ZNF304: variants seen among roughly 807,000 people sequenced by gnomAD.
ZNF304 encodes KRAB-containing zinc finger protein.
In ZNF304, 7 loss-of-function variants were observed where a neutral mutation model predicts 7.8. The observed-to-expected ratio is 0.90, with a 90% confidence interval of 0.51 to 1.69. The LOEUF (loss-of-function observed/expected upper bound fraction) is 1.69, where lower values mean the gene tolerates loss of function less well. Ranked by LOEUF, ZNF304 falls within the 40% of genes most tolerant of loss-of-function variation. ZNF304 has a pLI of 0.00. For missense variants in ZNF304, 669 were observed against 804.8 expected (o/e 0.83, Z 2.04); for synonymous variants, 280 against 272.4 (o/e 1.03, Z -0.27).
In ZNF304 at chr19:57,357,814, G is replaced by C. The variant is rs2088367987; in HGVS notation, c.1945G>C (p.Gly649Arg). ...AAGAGCTCACGAGTGCAACAGTTTT[G>C]GTGGCCCTTTAGCTGCATCTCTTAA... ...GERAHECNSF[G>R]GPLAASLKLV Residue 649 changes from glycine to arginine, a missense_variant, in exon 3 of 3, where the codon GGT becomes CGT. Transcript: ENST00000282286. 1.2e-6 allele frequency: 2 copies of C among 1,609,626 alleles called. No homozygotes were observed. The highest frequency in any genetic ancestry group is 1.3e-5 in the African/African-American group (1 of 74,614).
chr19:57,357,370 A>G lies in ZNF304; in HGVS notation c.1501A>G (p.Arg501Gly). 6.2e-7 allele frequency: 1 copy of G among 1,614,134 alleles called. No individual in the cohort carries two copies. Residue 501 changes from arginine (R) to glycine (G), a missense_variant, in exon 3 of 3, where the codon AGG becomes GGG. Coordinates refer to ENST00000282286, the MANE Select transcript of ZNF304 (RefSeq NM_020657.4). Reference sequence around the variant, plus strand: ...ACACCAAAAAATCCACACTGGAGAAAGGCCTTATGAGTGTGGTGAATGTGG... The same window carrying G: ...ACACCAAAAAATCCACACTGGAGAAGGGCCTTATGAGTGTGGTGAATGTGG... ...VQHQKIHTGE[R>G]PYECGECGKF...
chr19:57,353,716 T>C lies in ZNF304; in HGVS notation c.34-9T>C, dbSNP rs1343015985. The C allele has an allele frequency of 3.1e-6, 5 of 1,606,106 alleles. No homozygotes were observed. In the Admixed American group the frequency reaches 6.8e-5, roughly 22 times the overall value. ...CTGACTGTGGACTCAGCTGTACTTATCATGGCAGAGTTGTGTGACCTTCGA... is the reference window on the plus strand; with the variant it reads ...CTGACTGTGGACTCAGCTGTACTTACCATGGCAGAGTTGTGTGACCTTCGA... On this transcript the variant is annotated splice_polypyrimidine_tract_variant and intron_variant, in intron 1 of 2. Transcript: ENST00000282286.
Position 57,351,923 on chromosome 19 carries a change from G to C in ZNF304, c.33+226G>C, listed in dbSNP as rs2088280159. 1.9e-6 allele frequency: 1 copy of C among 525,386 alleles called. No individual in the cohort carries two copies. The highest frequency in any genetic ancestry group is 3.3e-6 in the Non-Finnish European group (1 of 300,306). The allele number at this position is 525,386 out of a possible 1,614,324, so 32.5% of individuals were successfully genotyped here. ...GTTTGGGGAGTTCCGGGAACTCTCT[G>C]TGCCTGGTGAGAACAGGGACTAGGG... On this transcript the variant is annotated intron_variant, in intron 1 of 2. Coordinates refer to ENST00000282286, the MANE Select transcript of ZNF304 (RefSeq NM_020657.4). The surrounding 1 kb of genome is among the most constrained non-coding windows in gnomAD (Gnocchi z 4.1).
Position 57,357,852 on chromosome 19 carries a change from C to T in ZNF304, c.*3C>T. The T allele has an allele frequency of 1.3e-6, 2 of 1,579,570 alleles. No homozygotes were observed. Among genetic ancestry groups the T allele is most frequent in the Non-Finnish European group, 1.7e-6 (2 of 1,167,008 alleles). On this transcript the variant is annotated 3_prime_UTR_variant, in exon 3 of 3. Transcript: ENST00000282286. The stretch of plus-strand genomic sequence containing the variant: ...CTGCATCTCTTAAACTTGTTTAACA[C>T]CAGAAAATTCACACAAGAGAAAGGC...
Position 57,351,603 on chromosome 19 carries a change from G to A in ZNF304, c.-62G>A. 6.2e-7 allele frequency: 1 copy of A among 1,605,296 alleles called. No homozygotes were observed. Among genetic ancestry groups the A allele is most frequent in the Non-Finnish European group, 8.5e-7 (1 of 1,174,532 alleles). On this transcript the variant is annotated 5_prime_UTR_variant, in exon 1 of 3. Coordinates refer to ENST00000282286, the MANE Select transcript of ZNF304 (RefSeq NM_020657.4). This position sits in a 1 kb window ranked among gnomAD's most constrained non-coding sequence, Gnocchi z 4.1. ...GCTACACTCAGCCCGAGGGCGTCCA[G>A]CGCGGTGGAGGCGTGGGGTTTCGGC... is the stretch of plus-strand genomic sequence containing the variant.
chr19:57,356,745 C>G lies in ZNF304; in HGVS notation c.876C>G (p.His292Gln). Residue 292 changes from histidine to glutamine, a missense_variant, in exon 3 of 3, where the codon CAC (histidine) becomes CAG (glutamine). Coordinates refer to ENST00000282286, the MANE Select transcript of ZNF304 (RefSeq NM_020657.4). ...GTGGAAAAGCCTTCATTCACTTGCA[C>G]CACCTAAAAATGCACCAGAAATTTC... ...KECGKAFIHL[H>Q]HLKMHQKFHT... The G allele has an allele frequency of 6.2e-7, 1 of 1,614,224 alleles. No homozygotes were observed. The highest frequency in any genetic ancestry group is 8.5e-7 in the Non-Finnish European group (1 of 1,180,038).
chr19:57,358,071 T>C lies in ZNF304; in HGVS notation c.*222T>C. ...CATGAGGTGTGTTGCACTTTGTAAC[T>C]GTCTAGAGCTCTTGATGGAATTATA... On this transcript the variant is annotated 3_prime_UTR_variant, in exon 3 of 3. Coordinates refer to ENST00000282286, the MANE Select transcript of ZNF304 (RefSeq NM_020657.4). 1 of 532,196 alleles carries C rather than the reference T, an allele frequency of 1.9e-6. No homozygotes were observed. Among genetic ancestry groups the C allele is most frequent in the Admixed American group, 3.6e-5 (1 of 28,072 alleles). The allele number at this position is 532,196 out of a possible 1,614,324, so 33.0% of individuals were successfully genotyped here.
At position 57,358,061 on chromosome 19, in the gene ZNF304, A is replaced by C. The variant is rs944268793; in HGVS notation, c.*212A>C. 1.5e-5 allele frequency: 9 copies of C among 587,808 alleles called. No homozygotes were observed. In the South Asian group the frequency reaches 1.7e-4, roughly 11 times the overall value. 36.4% of individuals were successfully genotyped at this position (587,808 alleles called of 1,614,324 possible). A position where few individuals can be genotyped will look rare whatever the true frequency, so the allele number is the denominator to read the frequency against. On this transcript the variant is annotated 3_prime_UTR_variant, in exon 3 of 3. Transcript: ENST00000282286. Reference sequence around the variant, plus strand: ...GGGAGGCTTTCATGAGGTGTGTTGCACTTTGTAACTGTCTAGAGCTCTTGA... The same window carrying C: ...GGGAGGCTTTCATGAGGTGTGTTGCCCTTTGTAACTGTCTAGAGCTCTTGA...
rs2088383397 is a variant in ZNF304, at chr19:57,358,698, CTGAAAA to C, written c.*850_*855del. On this transcript the variant is annotated 3_prime_UTR_variant, in exon 3 of 3. Coordinates refer to ENST00000282286, the MANE Select transcript of ZNF304 (RefSeq NM_020657.4). ...ATTGCCCTAGGCTTGCTAGGAAAGACTGAAAAAATTTTTGTGCCTAACTTTGTGGCC... is the reference window on the plus strand; with the variant it reads ...ATTGCCCTAGGCTTGCTAGGAAAGACAATTTTTGTGCCTAACTTTGTGGCC... 6.6e-6 allele frequency: 1 copy of C among 152,196 alleles called. No individual in the cohort carries two copies. The highest frequency in any genetic ancestry group is 6.5e-5 in the Admixed American group (1 of 15,276). The allele number at this position is 152,196 out of a possible 1,614,324, so 9.4% of individuals were successfully genotyped here. A position where few individuals can be genotyped will look rare whatever the true frequency, so the allele number is the denominator to read the frequency against.
chr19:57,353,648 G>GT, intron 1 of ZNF304, 77 bp from the exon 2 acceptor site: 1 of 1,524,504 alleles, frequency 6.6e-7, no homozygotes, highest in Non-Finnish European at 8.8e-7. Flanking sequence ...GAGTGGGTGT[G>GT]TGAGTGTGTA....
Position 57,356,518 on chromosome 19 carries a change from T to G in ZNF304, c.649T>G (p.Tyr217Asp), listed in dbSNP as rs1408277333. The G allele has an allele frequency of 6.2e-7, 1 of 1,614,182 alleles. No homozygotes were observed. Among genetic ancestry groups the G allele is most frequent in the Admixed American group, 1.7e-5 (1 of 60,026 alleles). The change falls in exon 3 of 3, where the codon TAT becomes GAT. Residue 217 changes from tyrosine (Y) to aspartate (D), a missense_variant. Tyr to Asp is a radical substitution (Grantham distance 160, BLOSUM62 -3). Transcript: ENST00000282286. ...SSSLRQHQGD[Y>D]DGQMLFSCGD... ...CAGTCTCAGGCAACACCAAGGAGAC[T>G]ATGATGGACAGATGCTTTTCAGTTG...
Position 57,351,758 on chromosome 19 carries a change from T to C in ZNF304, c.33+61T>C. 1 of 1,542,972 alleles carries C rather than the reference T, an allele frequency of 6.5e-7. No individual in the cohort carries two copies. Among genetic ancestry groups the C allele is most frequent in the African/African-American group, 1.4e-5 (1 of 72,898 alleles). On this transcript the variant is annotated intron_variant, in intron 1 of 2. Coordinates refer to ENST00000282286, the MANE Select transcript of ZNF304 (RefSeq NM_020657.4). This position sits in a 1 kb window ranked among gnomAD's most constrained non-coding sequence, Gnocchi z 4.1. ...GGTTGGTGTGTCCTGGGATGTTCGCTCTCATCGCGCACTTCAGGGTGCTCA... is the reference window on the plus strand; with the variant it reads ...GGTTGGTGTGTCCTGGGATGTTCGCCCTCATCGCGCACTTCAGGGTGCTCA...
rs368588640 is a variant in ZNF304, at chr19:57,356,649, C to A, written c.780C>A (p.Phe260Leu). 4.3e-6 allele frequency: 7 copies of A among 1,614,150 alleles called. No individual in the cohort carries two copies. In the African/African-American group the frequency reaches 9.3e-5, roughly 22 times the overall value. The change falls in exon 3 of 3, where the codon TTC (phenylalanine) becomes TTA (leucine). Residue 260 changes from phenylalanine to leucine, a missense_variant. Physicochemically the swap from Phe to Leu is conservative, Grantham distance 22. Coordinates refer to ENST00000282286, the MANE Select transcript of ZNF304 (RefSeq NM_020657.4). ...GATGCCTACCATGTGGAAATGTGTT[C>A]AAGGAGAAATCAGCTCTTATTAATC... Reference protein sequence around the residue: ...PFRCLPCGNVFKEKSALINHR... With the variant: ...PFRCLPCGNVLKEKSALINHR...
rs2088294629 is a variant in ZNF304 at position 57,353,077 on chromosome 19, G to C, written c.34-648G>C. ...GTGGCCAGTGTGTGGAGTGGGATGG[G>C]GTATCTTCAAATCATGGTGGTAATG... On this transcript the variant is annotated intron_variant, in intron 1 of 2. Coordinates refer to ENST00000282286, the MANE Select transcript of ZNF304 (RefSeq NM_020657.4). Among the ~76,000 whole-genome samples, 8 of 152,224 alleles carry C rather than the reference G, an allele frequency of 5.3e-5. No homozygotes were observed. The South Asian group carries it at 1.7e-3, about 32-fold the overall frequency.
Position 57,357,928 on chromosome 19 carries a change from C to T in ZNF304, c.*79C>T. On this transcript the variant is annotated 3_prime_UTR_variant, in exon 3 of 3. Coordinates refer to ENST00000282286, the MANE Select transcript of ZNF304 (RefSeq NM_020657.4). ...CTTGTTCATCCTCATAGGACTCACACCAGAGCAATGCTCTGTGAGTACCCT... is the reference window on the plus strand; with the variant it reads ...CTTGTTCATCCTCATAGGACTCACATCAGAGCAATGCTCTGTGAGTACCCT... 6.7e-7 allele frequency: 1 copy of T among 1,498,346 alleles called. No individual in the cohort carries two copies. The highest frequency in any genetic ancestry group is 8.9e-7 in the Non-Finnish European group (1 of 1,119,552). The allele number at this position is 1,498,346 out of a possible 1,614,324, so 92.8% of individuals were successfully genotyped here.
In ZNF304 at chr19:57,358,117, G is replaced by A. The variant is rs1251945610; in HGVS notation, c.*268G>A. 4.9e-6 allele frequency: 2 copies of A among 408,944 alleles called. No homozygotes were observed. The highest frequency in any genetic ancestry group is 6.2e-5 in the South Asian group (1 of 16,004). The allele number at this position is 408,944 out of a possible 1,614,324, so 25.3% of individuals were successfully genotyped here. On this transcript the variant is annotated 3_prime_UTR_variant, in exon 3 of 3. Coordinates refer to ENST00000282286, the MANE Select transcript of ZNF304 (RefSeq NM_020657.4). ...TTATATCACTGCCAGTGCCTGTGGCGGAAGCCATCTTATTGCTACCAGCTG... is the reference window on the plus strand; with the variant it reads ...TTATATCACTGCCAGTGCCTGTGGCAGAAGCCATCTTATTGCTACCAGCTG...
intron 1 of ZNF304, among the ~76,000 whole-genome samples, chr19:57,352,297 C>T (rs1225033505): frequency 6.6e-6 from 1 of 152,156 alleles, no homozygotes; most frequent in East Asian, 1.9e-4. Flanking sequence ...ACATGACTGT[C>T]TTCACTTGAG....
At position 57,357,637 on chromosome 19, in the gene ZNF304, A is replaced by G; in HGVS notation, c.1768A>G (p.Ser590Gly). The G allele has an allele frequency of 6.2e-7, 1 of 1,614,210 alleles. No homozygotes were observed. Reference protein sequence around the residue: ...VHTGARPYECSECGKFFSRNS... With the variant: ...VHTGARPYECGECGKFFSRNS... ...CACTGGAGCAAGACCTTATGAGTGCAGTGAATGTGGGAAATTCTTTAGCCG... is the reference window on the plus strand; with the variant it reads ...CACTGGAGCAAGACCTTATGAGTGCGGTGAATGTGGGAAATTCTTTAGCCG... The change falls in exon 3 of 3, where the codon AGT becomes GGT. Residue 590 changes from serine to glycine, a missense_variant. Coordinates refer to ENST00000282286, the MANE Select transcript of ZNF304 (RefSeq NM_020657.4).
Position 57,357,625 on chromosome 19 carries a change from C to T in ZNF304, c.1756C>T (p.Pro586Ser). The change falls in exon 3 of 3, where the codon CCT becomes TCT. Residue 586 changes from proline to serine, a missense_variant. By Grantham distance (74) the Pro-to-Ser change is moderately conservative. Coordinates refer to ENST00000282286, the MANE Select transcript of ZNF304 (RefSeq NM_020657.4). ...QHKKVHTGAR[P>S]YECSECGKFF... is the part of the protein sequence containing the mutation. The stretch of plus-strand genomic sequence containing the variant: ...CAAGAAAGTTCACACTGGAGCAAGA[C>T]CTTATGAGTGCAGTGAATGTGGGAA... The T allele has an allele frequency of 6.2e-7, 1 of 1,614,170 alleles. No individual in the cohort carries two copies. Among genetic ancestry groups the T allele is most frequent in the Non-Finnish European group, 8.5e-7 (1 of 1,180,022 alleles).
Sources: gnomAD v4.1 joint callset for allele counts (sites outside exome capture counted in the v4.1 genomes callset) on GRCh38, gnomAD v4.1.1 for gene constraint, Gnocchi (gnomAD v3.1) non-coding constraint, MANE v1.5 for transcripts, NCBI Gene and HGNC (gene_info 2026-07-23, HGNC 2026-07-21) for gene names.